The following MSRA variants were observed in gnomAD, a reference collection of about 807,000 sequenced individuals.
MSRA encodes mitochondrial peptide methionine sulfoxide reductase.
A neutral mutation model predicts 31.3 loss-of-function variants in MSRA; 54 were observed. The observed-to-expected ratio is 1.73, with a 90% confidence interval of 1.39 to 2.17. The LOEUF (loss-of-function observed/expected upper bound fraction) is 2.17. MSRA is among the 30% of genes most tolerant of loss of function. MSRA has a pLI of 0.00. For missense variants in MSRA, 507 were observed against 300.9 expected (o/e 1.69, Z -5.07); for synonymous variants, 169 against 116.5 (o/e 1.45, Z -2.90).
chr8:10,065,061 C>G (rs1461986874), intron 1 of MSRA, among the ~76,000 whole-genome samples: 1 of 152,084 alleles, frequency 6.6e-6, no homozygotes, highest in African/African-American at 2.4e-5. Flanking sequence ...CTTACCTCTT[C>G]CTGAGAGGCA....
At chr8:10,086,251 G>T (rs184647360) in intron 1 of MSRA, among the ~76,000 whole-genome samples, 1 of 152,216 alleles carries the variant, frequency 6.6e-6, no homozygotes, top group Non-Finnish European at 1.5e-5. Flanking sequence ...GGCATGAATT[G>T]AAGATGACTC....
chr8:10,135,580 C>A (rs772951637), intron 1 of MSRA, among the ~76,000 whole-genome samples: 1 of 152,158 alleles, frequency 6.6e-6, no homozygotes, highest in East Asian at 1.9e-4. Flanking sequence ...ATACTATGGT[C>A]AGGCAAAGGT....
chr8:10,340,853 A>G (rs1292639381), intron 5 of MSRA, among the ~76,000 whole-genome samples: 1 of 152,234 alleles, frequency 6.6e-6, no homozygotes, highest in Non-Finnish European at 1.5e-5. Flanking sequence ...TTCTCTGTTC[A>G]CTTGGTCCCT....
At chr8:10,424,956 G>A (rs957629511) in intron 5 of MSRA, among the ~76,000 whole-genome samples, 1 of 152,260 alleles carries the variant, frequency 6.6e-6, no homozygotes, top group Non-Finnish European at 1.5e-5. Context: ...AAATCAAGAC[G>A]TGAATCTGAA....
At chr8:10,126,942 T>C (rs1160234902) in intron 1 of MSRA, among the ~76,000 whole-genome samples, 1 of 152,208 alleles carries the variant, frequency 6.6e-6, no homozygotes, top group Non-Finnish European at 1.5e-5. Flanking sequence ...GCAGTAGTGC[T>C]CGCTCACCTG....
At chr8:10,212,337 A>T (rs938985596) in intron 2 of MSRA, among the ~76,000 whole-genome samples, 2 of 152,222 alleles carry the variant, frequency 1.3e-5, no homozygotes, top group African/African-American at 4.8e-5. Context: ...GGCAATTAGG[A>T]TATAATGTCC....
At chr8:10,337,591 C>G (rs747212694) in intron 5 of MSRA, 1 of 650,064 alleles carries the variant, frequency 1.5e-6, no homozygotes, top group Non-Finnish European at 2.8e-6. Flanking sequence ...TCCTCTCTGT[C>G]TCTGGAAGTT....
At chr8:10,208,223 T>C (rs894067923) in intron 2 of MSRA, among the ~76,000 whole-genome samples, 20 of 151,900 alleles carry the variant, frequency 1.3e-4, no homozygotes, top group Non-Finnish European at 2.9e-4. Context: ...TTTTTTTTTT[T>C]CCACATAGAT....
chr8:10,345,979 C>T (rs1038885320), intron 5 of MSRA, among the ~76,000 whole-genome samples: 1 of 152,220 alleles, frequency 6.6e-6, no homozygotes, highest in African/African-American at 2.4e-5. Context: ...CCTACAGAAT[C>T]ATAGTTCAGC....
intron 1 of MSRA, among the ~76,000 whole-genome samples, chr8:10,189,316 C>CA (rs776389783): frequency 1.2e-4 from 18 of 152,128 alleles, no homozygotes; most frequent in Middle Eastern, 3.4e-3. Flanking sequence ...TTCCTTCTTT[C>CA]ATTTTTGTAC....
At chr8:10,315,392 A>G (rs1801654585) in intron 4 of MSRA, among the ~76,000 whole-genome samples, 2 of 152,248 alleles carry the variant, frequency 1.3e-5, no homozygotes, top group Admixed American at 6.5e-5. Flanking sequence ...AAGACTCTCA[A>G]GGGTACTTGG....
At chr8:10,239,242 A>T (rs566458824) in intron 2 of MSRA, among the ~76,000 whole-genome samples, 2 of 151,972 alleles carry the variant, frequency 1.3e-5, no homozygotes, top group Non-Finnish European at 2.9e-5. Context: ...GCTTATTGCA[A>T]CCTCTGCCTC....
At chr8:10,313,320 C>G (rs1801538066) in intron 4 of MSRA, among the ~76,000 whole-genome samples, 1 of 152,160 alleles carries the variant, frequency 6.6e-6, no homozygotes, top group South Asian at 2.1e-4. Flanking sequence ...CTGAAGAGTT[C>G]ATGAAGTAGA....
At chr8:10,198,059 A>G (rs770134092) in intron 1 of MSRA, among the ~76,000 whole-genome samples, 7 of 152,046 alleles carry the variant, frequency 4.6e-5, no homozygotes, top group Non-Finnish European at 7.4e-5. Context: ...GTATTTTACA[A>G]CTTCCAAAAT....
At chr8:10,200,604 G>T (rs948598857) in intron 1 of MSRA, among the ~76,000 whole-genome samples, 1 of 152,140 alleles carries the variant, frequency 6.6e-6, no homozygotes, top group East Asian at 1.9e-4. Context: ...ATGAGTGGGC[G>T]TAGTGGTCAG....
intron 5 of MSRA, among the ~76,000 whole-genome samples, chr8:10,367,728 C>T (rs1054661237): frequency 2.6e-5 from 4 of 152,314 alleles, no homozygotes; most frequent in South Asian, 2.1e-4. Flanking sequence ...GCTCTGTCTC[C>T]GGCGCTGGCT....
At chr8:10,254,363 CTTGAG>C (rs1054554074) in intron 3 of MSRA, among the ~76,000 whole-genome samples, 14 of 152,008 alleles carry the variant, frequency 9.2e-5, no homozygotes, top group African/African-American at 3.1e-4. Flanking sequence ...TTCTTCTTTC[CTTGAG>C]TTAAGGATAA....
intron 1 of MSRA, among the ~76,000 whole-genome samples, chr8:10,184,733 G>C (rs1161270852): frequency 6.6e-6 from 1 of 152,118 alleles, no homozygotes; most frequent in Non-Finnish European, 1.5e-5. Flanking sequence ...CCTAAATTTG[G>C]TGGATGAAGA....
intron 1 of MSRA, among the ~76,000 whole-genome samples, chr8:10,207,090 C>G (rs749137388): frequency 7.2e-5 from 11 of 152,212 alleles, no homozygotes; most frequent in Admixed American, 2.0e-4. Context: ...AGAAAATGCT[C>G]ATAGATGGGG....
Sources: gnomAD v4.1 joint callset for allele counts (sites outside exome capture counted in the v4.1 genomes callset) on GRCh38, gnomAD v4.1.1 for gene constraint, MANE v1.5 for transcripts, NCBI Gene and HGNC (gene_info 2026-07-23, HGNC 2026-07-21) for gene names.